The following TOM1L2 variants were observed in gnomAD, a reference collection of about 807,000 sequenced individuals.
TOM1L2 encodes the protein target of myb1 like 2 membrane trafficking protein, also known as TOM1-like protein 2.
In TOM1L2, 31 loss-of-function variants were observed where a neutral mutation model predicts 67.9. That is an observed-to-expected ratio of 0.46 (90% CI 0.34 to 0.62). The LOEUF (loss-of-function observed/expected upper bound fraction) is 0.62, where lower values mean the gene tolerates loss of function less well. Ranked by LOEUF, TOM1L2 falls within the 20% of genes least tolerant of loss-of-function variation. The probability of loss-of-function intolerance (pLI) is 0.01; values close to 1 mark genes in which losing one functional copy is unlikely to be tolerated. For synonymous variants in TOM1L2, 256 were observed against 254.0 expected, an observed-to-expected ratio of 1.01 and a Z score of -0.07; for missense variants, 606 against 663.5, an observed-to-expected ratio of 0.91 and a Z score of 0.95.
intron 1 of TOM1L2, among the ~76,000 whole-genome samples, chr17:17,925,216 T>C (rs1232790430): frequency 6.6e-6 from 1 of 152,192 alleles, no homozygotes; most frequent in Non-Finnish European, 1.5e-5. Context: ...GGTATTTCTT[T>C]ATGGCAATGC....
intron 12 of TOM1L2, chr17:17,860,137 G>C (rs1001290727): frequency 2.6e-5 from 4 of 152,338 alleles, no homozygotes; most frequent in African/African-American, 9.6e-5. Context: ...CAACAGGGCT[G>C]CTCCCAGTGC....
At chr17:17,910,676 T>C (rs939723898) in intron 1 of TOM1L2, among the ~76,000 whole-genome samples, 1 of 152,098 alleles carries the variant, frequency 6.6e-6, no homozygotes, top group African/African-American at 2.4e-5. Context: ...TTCAAGCAAT[T>C]CTCCTGTCTC....
intron 1 of TOM1L2, among the ~76,000 whole-genome samples, chr17:17,956,987 T>C (rs1394332556): frequency 6.6e-6 from 1 of 152,212 alleles, no homozygotes; most frequent in Non-Finnish European, 1.5e-5. Flanking sequence ...AGGAGGCGCC[T>C]GAGAGCGAGC....
intron 1 of TOM1L2, among the ~76,000 whole-genome samples, chr17:17,915,906 G>A (rs964623258): frequency 3.4e-5 from 5 of 146,380 alleles, no homozygotes; most frequent in African/African-American, 7.6e-5. Context: ...TATTAATCCC[G>A]CCTATTTTAT....
At chr17:17,951,402 G>A (rs529573591) in intron 1 of TOM1L2, among the ~76,000 whole-genome samples, 1 of 152,166 alleles carries the variant, frequency 6.6e-6, no homozygotes, top group East Asian at 1.9e-4. Flanking sequence ...ATGAAAAGGA[G>A]GAACATTTAG....
chr17:17,913,540 C>T (rs2039499740), intron 1 of TOM1L2, among the ~76,000 whole-genome samples: 1 of 152,300 alleles, frequency 6.6e-6, no homozygotes, highest in South Asian at 2.1e-4. Context: ...TTGAGCTCCT[C>T]TGTCAGCCTT....
intron 1 of TOM1L2, among the ~76,000 whole-genome samples, chr17:17,940,797 G>A (rs765692631): frequency 1.6e-4 from 25 of 152,174 alleles, no homozygotes; most frequent in Non-Finnish European, 1.2e-4. Context: ...TAAGGATTCT[G>A]GATTACAGCC....
At chr17:17,859,700 G>A (rs1294038172) in intron 12 of TOM1L2, 2 of 152,332 alleles carry the variant, frequency 1.3e-5, no homozygotes, top group South Asian at 2.1e-4. Context: ...GGCCAATATA[G>A]TGAAACCCTG....
chr17:17,877,034 TCTC>T (rs1308573398), intron 7 of TOM1L2, among the ~76,000 whole-genome samples: 1 of 152,146 alleles, frequency 6.6e-6, no homozygotes, highest in Non-Finnish European at 1.5e-5. Context: ...CTTCCTTCCT[TCTC>T]CTCAGGCGCT....
chr17:17,878,437 C>T (rs2037536020), intron 7 of TOM1L2, among the ~76,000 whole-genome samples: 1 of 152,252 alleles, frequency 6.6e-6, no homozygotes, highest in South Asian at 2.1e-4. Flanking sequence ...AGCTCATGCA[C>T]CTCTGTGCCC....
intron 1 of TOM1L2, among the ~76,000 whole-genome samples, chr17:17,924,694 G>A (rs2040014195): frequency 6.6e-6 from 1 of 152,160 alleles, no homozygotes; most frequent in Non-Finnish European, 1.5e-5. Context: ...CAGCACGGAA[G>A]ACTGAGGCTG....
At chr17:17,905,681 G>A (rs1253954284) in intron 2 of TOM1L2, among the ~76,000 whole-genome samples, 1 of 152,180 alleles carries the variant, frequency 6.6e-6, no homozygotes, top group African/African-American at 2.4e-5. Context: ...TGGGATTGCA[G>A]GTGCACGCCA....
rs1281676421 is a variant in TOM1L2 at position 17,843,745 on chromosome 17, C to T, written c.*3890G>A. 1 of 152,466 alleles carries T rather than the reference C, an allele frequency of 6.6e-6. No individual in the cohort carries two copies. Among genetic ancestry groups the T allele is most frequent in the Non-Finnish European group, 1.5e-5 (1 of 68,050 alleles). 9.4% of individuals were successfully genotyped at this position (152,466 alleles called of 1,614,324 possible). ...TCAACACATTCCTCTTTTCAGTAGC[C>T]CCCAACAATCCTGAGAATCCTCACA... On this transcript the variant is annotated 3_prime_UTR_variant, in exon 15 of 15. Transcript: ENST00000379504.
In TOM1L2 at chr17:17,845,389, G is replaced by C. The variant is rs1001093765; in HGVS notation, c.*2246C>G. ...TGGAGCGGGGCAGTTCTGGGAGTGG[G>C]TATGAAAAACAGTTTTGCTGGGGGC... On this transcript the variant is annotated 3_prime_UTR_variant, in exon 15 of 15. Coordinates refer to ENST00000379504, the MANE Select transcript of TOM1L2 (RefSeq NM_001082968.2). 1 of 152,262 alleles carries C rather than the reference G, an allele frequency of 6.6e-6. No individual in the cohort carries two copies. The highest frequency in any genetic ancestry group is 1.5e-5 in the Non-Finnish European group (1 of 68,062). 9.4% of individuals were successfully genotyped at this position (152,262 alleles called of 1,614,324 possible).
chr17:17,941,810 A>G (rs1162761526), intron 1 of TOM1L2, among the ~76,000 whole-genome samples: 1 of 152,160 alleles, frequency 6.6e-6, no homozygotes, highest in Non-Finnish European at 1.5e-5. Flanking sequence ...TAACCTATGA[A>G]CCTCATTTTG....
chr17:17,877,640 G>C (rs183123479), intron 7 of TOM1L2, among the ~76,000 whole-genome samples: 7 of 152,088 alleles, frequency 4.6e-5, no homozygotes, highest in Non-Finnish European at 1.0e-4. Context: ...GTCTGTTCAC[G>C]GCTGTCCACA....
intron 1 of TOM1L2, among the ~76,000 whole-genome samples, chr17:17,955,222 T>G (rs986717897): frequency 6.6e-6 from 1 of 151,912 alleles, no homozygotes; most frequent in African/African-American, 2.4e-5. Context: ...CTCCACCTCT[T>G]CTATCATACT....
intron 1 of TOM1L2, among the ~76,000 whole-genome samples, chr17:17,948,350 A>G (rs2144864559): frequency 6.6e-6 from 1 of 152,304 alleles, no homozygotes; most frequent in South Asian, 2.1e-4. Flanking sequence ...CTGTGCAATC[A>G]AAAAATGTGC....
At chr17:17,903,990 G>GATTATTATTATTATTATTATTATT (rs58881326) in intron 2 of TOM1L2, among the ~76,000 whole-genome samples, 6 of 151,368 alleles carry the variant, frequency 4.0e-5, no homozygotes, top group Non-Finnish European at 5.9e-5. Context: ...CTCAGGAAGA[G>GATTATTATTATTATTATTATTATT]ATTATTATTA....
Sources: gnomAD v4.1 joint callset for allele counts (sites outside exome capture counted in the v4.1 genomes callset) on GRCh38, gnomAD v4.1.1 for gene constraint, MANE v1.5 for transcripts, NCBI Gene and HGNC (gene_info 2026-07-23, HGNC 2026-07-21) for gene names.